Variants in LYPD1 observed in about 807,000 individuals in gnomAD.
LYPD1 encodes ly6/PLAUR domain-containing protein 1.
In LYPD1, 14 loss-of-function variants were observed where a neutral mutation model predicts 14.2. That is an observed-to-expected ratio of 0.99 (90% CI 0.65 to 1.54). LYPD1 has a LOEUF of 1.54. Ranked by LOEUF, LYPD1 falls within the 40% of genes most tolerant of loss-of-function variation. LYPD1 has a pLI of 0.00. For missense variants in LYPD1, 165 were observed against 175.7 expected (o/e 0.94, Z 0.34); for synonymous variants, 85 against 70.6 (o/e 1.20, Z -1.02).
rs565923118 is a variant in LYPD1, at chr2:132,670,153, C to T, written c.-221G>A. ...GCTGCGGGTCTCTGCTCCTCCCGCT[C>T]GCGCTCCCGGGCCGAGCACCGCGCC... is the stretch of plus-strand genomic sequence containing the variant. On this transcript the variant is annotated 5_prime_UTR_variant, in exon 1 of 3. Coordinates refer to ENST00000397463, the MANE Select transcript of LYPD1 (RefSeq NM_144586.7). The surrounding 1 kb of genome is among the most constrained non-coding windows in gnomAD (Gnocchi z 4.5). 3 of 1,371,516 alleles carry T rather than the reference C, an allele frequency of 2.2e-6. No individual in the cohort carries two copies. The highest frequency in any genetic ancestry group is 2.8e-6 in the Non-Finnish European group (3 of 1,069,278). 85.0% of individuals were successfully genotyped at this position (1,371,516 alleles called of 1,614,324 possible).
At chr2:132,651,761 C>T (rs140707813) in intron 2 of LYPD1, among the ~76,000 whole-genome samples, 9 of 152,332 alleles carry the variant, frequency 5.9e-5, no homozygotes, top group African/African-American at 1.9e-4. Flanking sequence ...CAATATAATA[C>T]GTGCTCCAGT....
intron 2 of LYPD1, among the ~76,000 whole-genome samples, chr2:132,664,267 C>G (rs749261172): frequency 2.6e-5 from 4 of 152,182 alleles, no homozygotes; most frequent in Non-Finnish European, 4.4e-5. Context: ...TAAGAAAACA[C>G]AGGCTGTGGT....
chr2:132,660,236 A>C (rs1682855605), intron 2 of LYPD1, among the ~76,000 whole-genome samples: 1 of 152,248 alleles, frequency 6.6e-6, no homozygotes, highest in East Asian at 1.9e-4. Context: ...TCACTTTTGC[A>C]TCTGATCCTG....
chr2:132,645,584 G>C lies in LYPD1; in HGVS notation c.*461C>G, dbSNP rs775041041. On this transcript the variant is annotated 3_prime_UTR_variant, in exon 3 of 3. Coordinates refer to ENST00000397463, the MANE Select transcript of LYPD1 (RefSeq NM_144586.7). The stretch of plus-strand genomic sequence containing the variant: ...CCAGCCAATTCTGCTGCAGAGAATG[G>C]TTTTCAGGAGCATGAAGTTTGAATG... The C allele has an allele frequency of 6.2e-7, 1 of 1,612,322 alleles. No homozygotes were observed. The highest frequency in any genetic ancestry group is 1.1e-5 in the South Asian group (1 of 90,868).
intron 2 of LYPD1, among the ~76,000 whole-genome samples, chr2:132,652,121 A>C (rs1682382712): frequency 6.6e-6 from 1 of 152,172 alleles, no homozygotes; most frequent in Non-Finnish European, 1.5e-5. Flanking sequence ...CATCGTTTGG[A>C]GACTTCCCCA....
At chr2:132,652,672 C>A (rs1022279379) in intron 2 of LYPD1, among the ~76,000 whole-genome samples, 2 of 152,150 alleles carry the variant, frequency 1.3e-5, no homozygotes, top group African/African-American at 4.8e-5. Flanking sequence ...GGCTCTAATC[C>A]GCAGACCAGG....
In LYPD1 at chr2:132,669,785, G is replaced by A. The variant is rs1187695954; in HGVS notation, c.52+96C>T. 7.1e-6 allele frequency: 11 copies of A among 1,550,092 alleles called. No homozygotes were observed. ...TCCCGCTGGGCAGCCCCAGCGCAGG[G>A]CTGGCCCCGAGGTGGGCGCCTTGGG... On this transcript the variant is annotated intron_variant, in intron 1 of 2. Coordinates refer to ENST00000397463, the MANE Select transcript of LYPD1 (RefSeq NM_144586.7). This position sits in a 1 kb window ranked among gnomAD's most constrained non-coding sequence, Gnocchi z 4.3.
Position 132,646,340 on chromosome 2 carries a change from T to TCTCA in LYPD1, c.191-64_191-61dup, listed in dbSNP as rs535433576. On this transcript the variant is annotated intron_variant, in intron 2 of 2. Transcript: ENST00000397463. ...GCACCGGCAAAAGAATAGCTGTCCC[T>TCTCA]CTCAGCCCAAATCCAAACGGACAGC... 44 of 1,209,520 alleles carry TCTCA rather than the reference T, an allele frequency of 3.6e-5. No individual in the cohort carries two copies. The South Asian group carries it at 8.8e-4, about 24-fold the overall frequency. The allele number at this position is 1,209,520 out of a possible 1,614,324, so 74.9% of individuals were successfully genotyped here.
chr2:132,668,193 T>C (rs1291798266), intron 2 of LYPD1, among the ~76,000 whole-genome samples: 1 of 143,336 alleles, frequency 7.0e-6, no homozygotes, highest in Non-Finnish European at 1.6e-5. Context: ...CCCAAGACCC[T>C]TGGGGAGAAG....
chr2:132,656,780 G>A (rs1232510632), intron 2 of LYPD1, among the ~76,000 whole-genome samples: 1 of 152,120 alleles, frequency 6.6e-6, no homozygotes, highest in Non-Finnish European at 1.5e-5. Flanking sequence ...CTCCATTTGA[G>A]TTGCAGATGG....
At chr2:132,653,892 A>G (rs1428866394) in intron 2 of LYPD1, among the ~76,000 whole-genome samples, 1 of 152,226 alleles carries the variant, frequency 6.6e-6, no homozygotes, top group Non-Finnish European at 1.5e-5. Flanking sequence ...GGGACAGTGT[A>G]CAAAAATCTG....
intron 2 of LYPD1, among the ~76,000 whole-genome samples, chr2:132,660,842 C>T (rs1682888134): frequency 6.6e-6 from 1 of 152,142 alleles, no homozygotes. Flanking sequence ...GTTTGGGGGA[C>T]AAAAGCTAGG....
chr2:132,645,387 C>T lies in LYPD1; in HGVS notation c.*658G>A, dbSNP rs762673015. 1.4e-5 allele frequency: 23 copies of T among 1,613,816 alleles called. No homozygotes were observed. In the South Asian group the frequency reaches 2.5e-4, roughly 18 times the overall value. ...GCCTGCGCGTACATGCGCACTCCACCACCGACAGCGCCCGCTTTGTGCAGC... is the reference window on the plus strand; with the variant it reads ...GCCTGCGCGTACATGCGCACTCCACTACCGACAGCGCCCGCTTTGTGCAGC... On this transcript the variant is annotated 3_prime_UTR_variant, in exon 3 of 3. Coordinates refer to ENST00000397463, the MANE Select transcript of LYPD1 (RefSeq NM_144586.7).
At chr2:132,646,442 G>A in intron 2 of LYPD1, 162 bp from the exon 3 acceptor site, 1 of 419,032 alleles carries the variant, frequency 2.4e-6, no homozygotes. Context: ...TGATATTCAA[G>A]ATAGATGGTG....
chr2:132,657,839 G>T (rs1682691310), intron 2 of LYPD1, among the ~76,000 whole-genome samples: 1 of 152,166 alleles, frequency 6.6e-6, no homozygotes, highest in Non-Finnish European at 1.5e-5. Context: ...TTTCGGGAAA[G>T]AAAAATTATC....
rs1424151767 is a variant in LYPD1 at position 132,669,149 on chromosome 2, G to A, written c.53-612C>T. Among the ~76,000 whole-genome samples, 1 of 152,126 alleles carries A rather than the reference G, an allele frequency of 6.6e-6. No homozygotes were observed. Among genetic ancestry groups the A allele is most frequent in the Non-Finnish European group, 1.5e-5 (1 of 68,020 alleles). On this transcript the variant is annotated intron_variant, in intron 1 of 2. Transcript: ENST00000397463. This position sits in a 1 kb window ranked among gnomAD's most constrained non-coding sequence, Gnocchi z 4.3. Reference sequence around the variant, plus strand: ...GCCCTTCTCCGGGGCCGTCCCCGCGGCGACCCGAATGGCCACAGAGGGTGG... The same window carrying A: ...GCCCTTCTCCGGGGCCGTCCCCGCGACGACCCGAATGGCCACAGAGGGTGG...
At chr2:132,671,329 G>C (rs1053911857), upstream of LYPD1, 1 of 152,284 alleles carries the variant, frequency 6.6e-6, no homozygotes, top group Admixed American at 6.5e-5. Context: ...CACATCCTTA[G>C]GGAGCATCCA....
rs1683423619 is a variant in LYPD1, at chr2:132,668,550, C to T, written c.53-13G>A. On this transcript the variant is annotated splice_polypyrimidine_tract_variant and intron_variant, in intron 1 of 2. Transcript: ENST00000397463. ...TGCAGCGCAAAGCCTGCGAGACAGACGCAGTCGGGTTCAGATCCGGCCCCC... is the reference window on the plus strand; with the variant it reads ...TGCAGCGCAAAGCCTGCGAGACAGATGCAGTCGGGTTCAGATCCGGCCCCC... 16 of 1,610,760 alleles carry T rather than the reference C, an allele frequency of 9.9e-6. No homozygotes were observed. Among genetic ancestry groups the T allele is most frequent in the Non-Finnish European group, 1.4e-5 (16 of 1,179,088 alleles).
At chr2:132,658,519 G>A (rs931296062) in intron 2 of LYPD1, among the ~76,000 whole-genome samples, 1 of 152,158 alleles carries the variant, frequency 6.6e-6, no homozygotes, top group African/African-American at 2.4e-5. Context: ...TGAGGATGAT[G>A]CCAGGTTTTG....
Sources: allele counts gnomAD v4.1 joint callset (sites outside exome capture counted in the v4.1 genomes callset), GRCh38; gene constraint gnomAD v4.1.1; non-coding constraint Gnocchi (gnomAD v3.1); transcripts MANE v1.5; gene names NCBI Gene and HGNC (gene_info 2026-07-23, HGNC 2026-07-21).